Variants in CDH12 observed in about 807,000 individuals in gnomAD.
The protein encoded by CDH12 is cadherin 12.
In CDH12, 41 loss-of-function variants were observed where a neutral mutation model predicts 74.1. That is an observed-to-expected ratio of 0.55 (90% confidence interval 0.43 to 0.72). The LOEUF (loss-of-function observed/expected upper bound fraction) is 0.72. CDH12 is among the 30% of genes least tolerant of loss of function. CDH12 has a pLI of 0.00. For synonymous variants in CDH12, 399 were observed against 355.0 expected, an observed-to-expected ratio of 1.12 and a Z score of -1.39; for missense variants, 945 against 977.2, an observed-to-expected ratio of 0.97 and a Z score of 0.44.
intron 4 of CDH12, among the ~76,000 whole-genome samples, chr5:22,111,321 G>A (rs1744803368): frequency 6.6e-6 from 1 of 152,032 alleles, no homozygotes; most frequent in Non-Finnish European, 1.5e-5. Context: ...TTTAAAAGTT[G>A]CTCTTTATTG....
At chr5:21,952,573 C>G (rs1305876796) in intron 6 of CDH12, among the ~76,000 whole-genome samples, 1 of 152,164 alleles carries the variant, frequency 6.6e-6, no homozygotes, top group Non-Finnish European at 1.5e-5. Flanking sequence ...ATCATGACCT[C>G]TTTTGGAATG....
chr5:22,510,015 T>A (rs961564171), intron 1 of CDH12, among the ~76,000 whole-genome samples: 51 of 146,780 alleles, frequency 3.5e-4, no homozygotes, highest in Middle Eastern at 3.5e-3. Context: ...GGAAAAAATT[T>A]AAAAAAAAAA....
intron 7 of CDH12, among the ~76,000 whole-genome samples, chr5:21,848,608 T>A (rs554661508): frequency 6.6e-6 from 1 of 152,122 alleles, no homozygotes; most frequent in Admixed American, 6.6e-5. Flanking sequence ...TGTTCATCAT[T>A]GCATTTGTAT....
chr5:22,315,058 A>G (rs1738563470), intron 3 of CDH12, among the ~76,000 whole-genome samples: 1 of 109,884 alleles, frequency 9.1e-6, no homozygotes. Context: ...GGTTCATGCC[A>G]TTCTCCTGCC....
At chr5:22,713,496 G>A (rs1358016414) in intron 1 of CDH12, among the ~76,000 whole-genome samples, 1 of 151,892 alleles carries the variant, frequency 6.6e-6, no homozygotes, top group African/African-American at 2.4e-5. Flanking sequence ...TGTAAAATAA[G>A]GACAGTAATA....
At chr5:22,197,771 G>T (rs960972765) in intron 4 of CDH12, among the ~76,000 whole-genome samples, 11 of 151,964 alleles carry the variant, frequency 7.2e-5, no homozygotes, top group African/African-American at 2.7e-4. Context: ...CTCCCAAGAT[G>T]ATCTCAAACA....
At chr5:21,786,153 T>C (rs1169751157) in intron 10 of CDH12, among the ~76,000 whole-genome samples, 1 of 151,918 alleles carries the variant, frequency 6.6e-6, no homozygotes. Flanking sequence ...CACAGCATGG[T>C]TTATTAATTT....
At chr5:22,784,737 C>G (rs1040741266) in intron 1 of CDH12, among the ~76,000 whole-genome samples, 2 of 152,110 alleles carry the variant, frequency 1.3e-5, no homozygotes, top group Non-Finnish European at 2.9e-5. Flanking sequence ...AGTATGTTTT[C>G]TATCCCAGAG....
intron 6 of CDH12, among the ~76,000 whole-genome samples, chr5:21,944,705 T>C (rs982317531): frequency 2.6e-5 from 4 of 152,184 alleles, no homozygotes; most frequent in Non-Finnish European, 5.9e-5. Context: ...AACCAAGTGG[T>C]ATGAGTTGGC....
At chr5:21,884,094 G>T (rs1752503422) in intron 6 of CDH12, 2 of 1,426,628 alleles carry the variant, frequency 1.4e-6, no homozygotes, top group Non-Finnish European at 2.0e-6. Context: ...CTCAGAAGTT[G>T]GTTATGATGC....
intron 4 of CDH12, among the ~76,000 whole-genome samples, chr5:22,177,829 G>A (rs1322573014): frequency 6.6e-6 from 1 of 152,112 alleles, no homozygotes; most frequent in Non-Finnish European, 1.5e-5. Context: ...TAGCTTCAAC[G>A]ACTCTGTTGG....
intron 1 of CDH12, among the ~76,000 whole-genome samples, chr5:22,549,093 C>A (rs763237106): frequency 1.3e-5 from 2 of 151,956 alleles, no homozygotes; most frequent in Non-Finnish European, 2.9e-5. Context: ...GCATGTATCA[C>A]CATCCCTGGC....
At chr5:22,552,978 A>T (rs11959887) in intron 1 of CDH12, among the ~76,000 whole-genome samples, 24,424 of 152,118 alleles carry the variant, frequency 0.16, 2,528 homozygotes, top group East Asian at 0.37. Context: ...AAAATATATA[A>T]TATACTGGTT....
chr5:22,096,209 C>A (rs189924200), intron 4 of CDH12, among the ~76,000 whole-genome samples: 67 of 152,198 alleles, frequency 4.4e-4, no homozygotes, highest in African/African-American at 1.5e-3. Context: ...CTGCTTGACC[C>A]CAATACAAAC....
intron 5 of CDH12, among the ~76,000 whole-genome samples, chr5:22,012,892 T>C (rs1309180689): frequency 1.4e-5 from 2 of 143,396 alleles, no homozygotes; most frequent in African/African-American, 2.6e-5. Context: ...TATTTAAACA[T>C]TATTTACTAG....
Position 22,266,324 on chromosome 5 carries a change from C to T in CDH12, c.-332-53681G>A, listed in dbSNP as rs562710651. Among the ~76,000 whole-genome samples the T allele has an allele frequency of 3.3e-5, 5 of 152,112 alleles. No individual in the cohort carries two copies. The South Asian group carries it at 8.3e-4, about 25-fold the overall frequency. On this transcript the variant is annotated intron_variant, in intron 3 of 14. Transcript: ENST00000382254. ...CTGACCTCAGGTAATCTGCCCACCTCGGCCTCCCAAAGTACTGGGATTACA... is the reference window on the plus strand; with the variant it reads ...CTGACCTCAGGTAATCTGCCCACCTTGGCCTCCCAAAGTACTGGGATTACA...
chr5:22,491,633 A>AC (rs1554044845), intron 2 of CDH12, among the ~76,000 whole-genome samples: 17 of 151,028 alleles, frequency 1.1e-4, no homozygotes, highest in Admixed American at 8.6e-4. Flanking sequence ...AAAAAAAAAA[A>AC]CAAAAACAAC....
intron 6 of CDH12, among the ~76,000 whole-genome samples, chr5:21,958,163 C>T (rs1374374862): frequency 6.6e-6 from 1 of 151,918 alleles, no homozygotes; most frequent in Non-Finnish European, 1.5e-5. Flanking sequence ...GCATTGCGTC[C>T]CTTTCACCTT....
chr5:22,651,797 A>G (rs917328440), intron 1 of CDH12, among the ~76,000 whole-genome samples: 57 of 151,978 alleles, frequency 3.8e-4, no homozygotes, highest in African/African-American at 1.3e-3. Context: ...AATGAATTGT[A>G]CGCTTTTCAA....
Sources: allele counts gnomAD v4.1 joint callset (sites outside exome capture counted in the v4.1 genomes callset), GRCh38; gene constraint gnomAD v4.1.1; transcripts MANE v1.5; gene names NCBI Gene and HGNC (gene_info 2026-07-23, HGNC 2026-07-21).